Variants in VRK2 observed in about 807,000 individuals in gnomAD.
VRK2 encodes serine/threonine-protein kinase VRK2.
In VRK2, 60 loss-of-function variants were observed where a neutral mutation model predicts 57.6. The ratio of observed to expected loss-of-function variants is 1.04; its 90% CI spans 0.85 to 1.29. The LOEUF (loss-of-function observed/expected upper bound fraction) is 1.29, where lower values mean the gene tolerates loss of function less well. Among genes scored for constraint, VRK2 ranks in the 50% most tolerant of loss-of-function variants. The pLI, the probability that VRK2 is intolerant of heterozygous loss-of-function variation, is 0.00. For missense variants in VRK2, 705 were observed against 588.1 expected, an observed-to-expected ratio of 1.20 and a Z score of -2.06; for synonymous variants, 231 against 199.2, an observed-to-expected ratio of 1.16 and a Z score of -1.35.
chr2:57,918,041 T>C (rs1395493278), intron 1 of VRK2, among the ~76,000 whole-genome samples: 4 of 152,114 alleles, frequency 2.6e-5, no homozygotes, highest in African/African-American at 9.7e-5. Flanking sequence ...GACCACCAGA[T>C]TTCAACTACC....
rs17049267 is a variant in VRK2, at chr2:57,960,502, T to C, written c.-439+52663T>C. Among the ~76,000 whole-genome samples the C allele has an allele frequency of 7.8e-3, 1,188 of 152,336 alleles. 20 individuals carry two copies. The highest frequency in any genetic ancestry group is 0.026 in the African/African-American group (1,082 of 41,582). Reference sequence around the variant, plus strand: ...TGCATTCACTTAAATTGATTGTATCTACTTGTATTTGCATTCACATTCACA... The same window carrying C: ...TGCATTCACTTAAATTGATTGTATCCACTTGTATTTGCATTCACATTCACA... On this transcript the variant is annotated intron_variant, in intron 1 of 15. Coordinates refer to the VRK2 transcript ENST00000417641.
chr2:58,143,957 G>A (rs1421930298), intron 11 of VRK2, among the ~76,000 whole-genome samples: 1 of 150,332 alleles, frequency 6.7e-6, no homozygotes, highest in African/African-American at 2.5e-5. Flanking sequence ...GTGTATATAT[G>A]TATATACATA....
intron 1 of VRK2, among the ~76,000 whole-genome samples, chr2:57,938,687 C>G (rs1670996442): frequency 6.6e-6 from 1 of 151,928 alleles, no homozygotes; most frequent in Non-Finnish European, 1.5e-5. Context: ...TCTATGAAAG[C>G]CTGTTTCTCT....
intron 8 of VRK2, among the ~76,000 whole-genome samples, chr2:58,128,405 C>T (rs1294733650): frequency 1.3e-5 from 2 of 152,080 alleles, no homozygotes; most frequent in African/African-American, 4.8e-5. Context: ...TATCTCGGCT[C>T]ACCACAACCT....
chr2:57,921,776 C>T (rs1400753087), intron 1 of VRK2, among the ~76,000 whole-genome samples: 2 of 152,018 alleles, frequency 1.3e-5, no homozygotes, highest in Non-Finnish European at 2.9e-5. Flanking sequence ...CTAGGAGTTG[C>T]TATGATTTAT....
intron 7 of VRK2, among the ~76,000 whole-genome samples, chr2:58,097,443 G>A (rs1673314031): frequency 6.6e-6 from 1 of 151,668 alleles, no homozygotes; most frequent in Non-Finnish European, 1.5e-5. Context: ...ATGAAAGTTT[G>A]TAATTTTTAT....
chr2:58,046,146 C>T (rs1443123747), upstream of VRK2, among the ~76,000 whole-genome samples: 1 of 152,152 alleles, frequency 6.6e-6, no homozygotes, highest in East Asian at 1.9e-4. Flanking sequence ...CACCTGGCCA[C>T]TATGAGTCTT....
intron 2 of VRK2, among the ~76,000 whole-genome samples, chr2:58,076,106 CTTTTTTTT>C (rs71394406): frequency 1.6e-5 from 2 of 121,784 alleles, no homozygotes; most frequent in Middle Eastern, 4.8e-3. Context: ...CTACTGTCTT[CTTTTTTTT>C]TTTTTTTTTT....
intron 10 of VRK2, among the ~76,000 whole-genome samples, chr2:58,136,984 A>C (rs1680246500): frequency 7.5e-6 from 1 of 133,062 alleles, no homozygotes; most frequent in African/African-American, 2.9e-5. Context: ...TATATATCAT[A>C]TATATGTGTA....
chr2:58,115,072 G>C (rs566886765), intron 7 of VRK2, among the ~76,000 whole-genome samples: 13 of 152,280 alleles, frequency 8.5e-5, no homozygotes, highest in African/African-American at 7.2e-5. Context: ...TTCCACGATG[G>C]AAAGGAAATG....
intron 1 of VRK2, among the ~76,000 whole-genome samples, chr2:57,939,755 G>A (rs1671033260): frequency 6.6e-6 from 1 of 152,074 alleles, no homozygotes; most frequent in Non-Finnish European, 1.5e-5. Context: ...TGAAGTTGAT[G>A]GCATATTTTT....
At chr2:57,964,063 C>T (rs1443022880) in intron 1 of VRK2, among the ~76,000 whole-genome samples, 1 of 152,134 alleles carries the variant, frequency 6.6e-6, no homozygotes, top group Non-Finnish European at 1.5e-5. Flanking sequence ...GATTGAGCCT[C>T]AAACAAAGAT....
rs369507226 is a variant in VRK2 at position 57,968,204 on chromosome 2, C to T, written c.-438-57461C>T. Among the ~76,000 whole-genome samples, 126 of 151,726 alleles carry T rather than the reference C, an allele frequency of 8.3e-4. 3 individuals are homozygous for T. In the South Asian group the frequency reaches 0.01, roughly 13 times the overall value. On this transcript the variant is annotated intron_variant, in intron 1 of 15. Coordinates refer to the VRK2 transcript ENST00000417641. ...TGTAGAACAAACATAAAAAAATTAC[C>T]TTTAGTATGCTGAAGAAAAAGATAA... is the stretch of plus-strand genomic sequence containing the variant.
intron 1 of VRK2, among the ~76,000 whole-genome samples, chr2:57,986,474 G>A (rs1452102933): frequency 1.3e-5 from 2 of 150,520 alleles, no homozygotes; most frequent in African/African-American, 4.9e-5. Context: ...AAACAATTTT[G>A]AAAAAAGAAT....
intron 7 of VRK2, among the ~76,000 whole-genome samples, chr2:58,118,973 G>C (rs1676977543): frequency 6.6e-6 from 1 of 152,134 alleles, no homozygotes; most frequent in South Asian, 2.1e-4. Flanking sequence ...CAGTTAAGGT[G>C]GGGCAGGAAC....
intron 7 of VRK2, among the ~76,000 whole-genome samples, chr2:58,107,734 A>G (rs17049343): frequency 0.037 from 5,605 of 152,294 alleles, 354 homozygotes; most frequent in African/African-American, 0.13. Context: ...ATAAAATAGT[A>G]AACAAATGTG....
intron 1 of VRK2, among the ~76,000 whole-genome samples, chr2:57,926,416 CACATATATATAT>C (rs1670533696): frequency 7.6e-6 from 1 of 131,230 alleles, no homozygotes; most frequent in Non-Finnish European, 1.6e-5. Flanking sequence ...CCTCCAGTGT[CACATATATATAT>C]ACATATATAT....
intron 1 of VRK2, among the ~76,000 whole-genome samples, chr2:57,921,286 G>GCGCACA (rs569332925): frequency 1.4e-5 from 2 of 148,036 alleles, no homozygotes; most frequent in African/African-American, 5.0e-5. Context: ...TCTTAAGCGC[G>GCGCACA]CACACACACA....
upstream of VRK2, among the ~76,000 whole-genome samples, chr2:58,042,445 C>G (rs1277129800): frequency 6.6e-6 from 1 of 152,090 alleles, no homozygotes; most frequent in African/African-American, 2.4e-5. Flanking sequence ...TTTTACAGAA[C>G]AAAAATACTA....
Sources: allele counts gnomAD v4.1 joint callset (sites outside exome capture counted in the v4.1 genomes callset), GRCh38; gene constraint gnomAD v4.1.1; transcripts MANE v1.5; gene names NCBI Gene and HGNC (gene_info 2026-07-23, HGNC 2026-07-21).